DAP: variants seen among roughly 807,000 people sequenced by gnomAD.
DAP encodes the protein death-associated protein 1.
A neutral mutation model predicts 13.8 loss-of-function variants in DAP; 8 were observed. That is an observed-to-expected ratio of 0.58 (90% confidence interval 0.34 to 1.05). The LOEUF (loss-of-function observed/expected upper bound fraction) is 1.05, where lower values mean the gene tolerates loss of function less well. Among genes scored for constraint, DAP ranks in the 50% least tolerant of loss-of-function variants. The probability of loss-of-function intolerance (pLI) is 0.03; values close to 1 mark genes in which losing one functional copy is unlikely to be tolerated. For missense variants in DAP, 106 were observed against 133.2 expected, an observed-to-expected ratio of 0.80 and a Z score of 1.01; for synonymous variants, 47 against 47.5, an observed-to-expected ratio of 0.99 and a Z score of 0.04.
At chr5:10,744,592 G>A (rs1579818775) in intron 2 of DAP, among the ~76,000 whole-genome samples, 1 of 152,146 alleles carries the variant, frequency 6.6e-6, no homozygotes, top group African/African-American at 2.4e-5. Context: ...TGGATCCAGG[G>A]ACTTACGTGA....
intron 2 of DAP, among the ~76,000 whole-genome samples, chr5:10,747,827 TG>T (rs1739946721): frequency 6.6e-6 from 1 of 152,164 alleles, no homozygotes; most frequent in Non-Finnish European, 1.5e-5. Flanking sequence ...TGGCTTGGCT[TG>T]CCCTGGCTTC....
chr5:10,729,271 T>C (rs1739376081), intron 2 of DAP, among the ~76,000 whole-genome samples: 1 of 152,226 alleles, frequency 6.6e-6, no homozygotes. Flanking sequence ...AATGAATTCA[T>C]GCTCTTATAA....
intron 2 of DAP, among the ~76,000 whole-genome samples, chr5:10,718,299 C>T (rs1021989589): frequency 5.9e-5 from 9 of 152,236 alleles, no homozygotes; most frequent in East Asian, 1.9e-4. Flanking sequence ...GTGGGTCCAG[C>T]GGGTCCCTGG....
At chr5:10,709,696 C>A (rs948277783) in intron 2 of DAP, among the ~76,000 whole-genome samples, 3 of 152,202 alleles carry the variant, frequency 2.0e-5, no homozygotes, top group African/African-American at 7.2e-5. Context: ...GACAGGAAGC[C>A]AAGGAGCAGG....
chr5:10,723,808 T>C (rs1739217616), intron 2 of DAP, among the ~76,000 whole-genome samples: 1 of 152,208 alleles, frequency 6.6e-6, no homozygotes, highest in Non-Finnish European at 1.5e-5. Flanking sequence ...ATCTTCATCT[T>C]CATTACAATG....
At chr5:10,742,102 T>C (rs1017499720) in intron 2 of DAP, among the ~76,000 whole-genome samples, 1 of 152,126 alleles carries the variant, frequency 6.6e-6, no homozygotes, top group African/African-American at 2.4e-5. Context: ...CCTGGTGATA[T>C]TCTAGTTACC....
intron 1 of DAP, among the ~76,000 whole-genome samples, chr5:10,758,489 A>G (rs940759521): frequency 1.3e-5 from 2 of 152,056 alleles, no homozygotes; most frequent in African/African-American, 4.8e-5. Flanking sequence ...ATGGTCTTGG[A>G]GACAGATGAC....
intron 2 of DAP, among the ~76,000 whole-genome samples, chr5:10,728,166 A>C (rs1436095223): frequency 6.6e-6 from 1 of 152,222 alleles, no homozygotes; most frequent in Non-Finnish European, 1.5e-5. Context: ...TTTTTCCTGG[A>C]TATCAGAAAG....
chr5:10,735,856 C>T (rs568924369), intron 2 of DAP, among the ~76,000 whole-genome samples: 4 of 152,334 alleles, frequency 2.6e-5, no homozygotes, highest in Admixed American at 6.5e-5. Flanking sequence ...GCACAAGGTG[C>T]TGCTTGCTTG....
intron 1 of DAP, among the ~76,000 whole-genome samples, chr5:10,754,508 T>C (rs893348770): frequency 2.0e-5 from 3 of 152,114 alleles, no homozygotes; most frequent in Non-Finnish European, 2.9e-5. Context: ...TTCAGAGACA[T>C]AGTGGGACCC....
intron 1 of DAP, among the ~76,000 whole-genome samples, chr5:10,756,520 G>T (rs1399115591): frequency 6.6e-6 from 1 of 152,230 alleles, no homozygotes; most frequent in African/African-American, 2.4e-5. Context: ...ACTAAAAAAA[G>T]TAACATGGCT....
chr5:10,705,013 T>C (rs921107356), intron 2 of DAP, among the ~76,000 whole-genome samples: 1 of 152,184 alleles, frequency 6.6e-6, no homozygotes, highest in Non-Finnish European at 1.5e-5. Context: ...CTGGCTCTCA[T>C]CCTGCAATGC....
chr5:10,687,320 G>C (rs1486662246), intron 2 of DAP, among the ~76,000 whole-genome samples: 1 of 152,138 alleles, frequency 6.6e-6, no homozygotes, highest in East Asian at 1.9e-4. Context: ...TATTATTTAA[G>C]AAATAAGTAA....
intron 2 of DAP, among the ~76,000 whole-genome samples, chr5:10,716,436 G>A (rs1176594325): frequency 6.6e-6 from 1 of 152,158 alleles, no homozygotes; most frequent in African/African-American, 2.4e-5. Flanking sequence ...ATGCAATATT[G>A]ATCCTGGTGT....
chr5:10,735,324 G>A (rs1479214196), intron 2 of DAP, among the ~76,000 whole-genome samples: 1 of 152,148 alleles, frequency 6.6e-6, no homozygotes, highest in African/African-American at 2.4e-5. Flanking sequence ...ACAAGAAGCA[G>A]CTCTCCCCAA....
intron 2 of DAP, among the ~76,000 whole-genome samples, chr5:10,746,004 T>A (rs570185589): frequency 6.6e-5 from 10 of 152,166 alleles, no homozygotes; most frequent in Non-Finnish European, 1.2e-4. Context: ...GTGACACTAG[T>A]CCCTAAATTT....
intron 2 of DAP, among the ~76,000 whole-genome samples, chr5:10,713,386 AGAG>A (rs1170718647): frequency 6.6e-6 from 1 of 152,096 alleles, no homozygotes; most frequent in Non-Finnish European, 1.5e-5. Context: ...GCTGGGCAGC[AGAG>A]GAGGAGATCA....
intron 2 of DAP, among the ~76,000 whole-genome samples, chr5:10,722,331 T>A (rs1045780908): frequency 7.2e-5 from 11 of 152,194 alleles, no homozygotes; most frequent in African/African-American, 2.6e-4. Flanking sequence ...CCAGCCTACA[T>A]CTTTCTCCCA....
At chr5:10,715,653 A>G (rs1014739504) in intron 2 of DAP, among the ~76,000 whole-genome samples, 34 of 152,208 alleles carry the variant, frequency 2.2e-4, no homozygotes, top group African/African-American at 9.7e-5. Context: ...AGAAGAATTA[A>G]CGCAGTTGTT....
Sources: allele counts gnomAD v4.1 joint callset (sites outside exome capture counted in the v4.1 genomes callset), GRCh38; gene constraint gnomAD v4.1.1; transcripts MANE v1.5; gene names NCBI Gene and HGNC (gene_info 2026-07-23, HGNC 2026-07-21).